Variants in SOX5 observed in about 807,000 individuals in gnomAD.
The protein encoded by SOX5 is transcription factor SOX-5.
SOX5 carries 9 observed loss-of-function variants against 92.0 expected under a neutral mutation model. The observed-to-expected ratio is 0.10, with a 90% CI of 0.06 to 0.17. The LOEUF is 0.17. Among genes scored for constraint, SOX5 ranks in the 10% least tolerant of loss-of-function variants. The probability of loss-of-function intolerance (pLI) is 1.00; values close to 1 mark genes in which losing one functional copy is unlikely to be tolerated. For synonymous variants in SOX5, 344 were observed against 336.3 expected (o/e 1.02, Z -0.25); for missense variants, 642 against 944.5 (o/e 0.68, Z 4.20).
intron 8 of SOX5, among the ~76,000 whole-genome samples, chr12:23,625,554 A>G (rs2077661628): frequency 6.6e-6 from 1 of 152,150 alleles, no homozygotes; most frequent in Admixed American, 6.6e-5. Flanking sequence ...CTCTTGACTC[A>G]TGTGCTCACA....
At chr12:24,359,703 AATACATATTTT>A (rs561305200) in intron 2 of SOX5, among the ~76,000 whole-genome samples, 35 of 152,322 alleles carry the variant, frequency 2.3e-4, no homozygotes, top group Admixed American at 2.6e-4. Flanking sequence ...AAATTTAATT[AATACATATTTT>A]ATCAAGGGAT....
At chr12:24,074,246 C>A (rs998974430) in intron 4 of SOX5, among the ~76,000 whole-genome samples, 5 of 152,234 alleles carry the variant, frequency 3.3e-5, no homozygotes, top group African/African-American at 1.2e-4. Context: ...ACTTCAGTAA[C>A]CTCCATGATT....
intron 9 of SOX5, among the ~76,000 whole-genome samples, chr12:23,597,167 T>C (rs1330812424): frequency 6.6e-6 from 1 of 152,242 alleles, no homozygotes. Context: ...CCATGCTGTG[T>C]GCATGAGACA....
At chr12:24,335,316 C>T (rs1793076208) in intron 2 of SOX5, among the ~76,000 whole-genome samples, 1 of 152,118 alleles carries the variant, frequency 6.6e-6, no homozygotes, top group South Asian at 2.1e-4. Context: ...CCATCCATTA[C>T]ACAATTAAAA....
intron 4 of SOX5, among the ~76,000 whole-genome samples, chr12:23,986,347 C>A (rs1463102688): frequency 4.6e-5 from 7 of 151,494 alleles, no homozygotes; most frequent in African/African-American, 1.5e-4. Context: ...TGCAGGGAAA[C>A]AAACAAACAA....
At chr12:24,229,606 G>T (rs1193717329) in intron 3 of SOX5, among the ~76,000 whole-genome samples, 1 of 152,172 alleles carries the variant, frequency 6.6e-6, no homozygotes, top group Admixed American at 6.5e-5. Context: ...ATTGAGCCAT[G>T]TCATTTATTA....
At chr12:23,674,354 T>TTTTTTTTTTTTTA (rs2085306599) in intron 6 of SOX5, among the ~76,000 whole-genome samples, 3 of 147,788 alleles carry the variant, frequency 2.0e-5, no homozygotes, top group South Asian at 2.2e-4. Flanking sequence ...TTTTTTTTTT[T>TTTTTTTTTTTTTA]GAGACGGAGT....
chr12:24,332,707 G>A (rs1250302800), intron 2 of SOX5, among the ~76,000 whole-genome samples: 1 of 152,118 alleles, frequency 6.6e-6, no homozygotes, highest in Non-Finnish European at 1.5e-5. Context: ...CAGTAACTGA[G>A]AGGATGTCGT....
At chr12:24,134,066 A>T (rs1565502759) in intron 4 of SOX5, among the ~76,000 whole-genome samples, 1 of 149,530 alleles carries the variant, frequency 6.7e-6, no homozygotes, top group Non-Finnish European at 1.5e-5. Flanking sequence ...TGATGAGGTA[A>T]TTTTTTTTTT....
At chr12:24,056,371 T>A (rs2137200152) in intron 4 of SOX5, among the ~76,000 whole-genome samples, 1 of 152,326 alleles carries the variant, frequency 6.6e-6, no homozygotes, top group South Asian at 2.1e-4. Flanking sequence ...TCAACTCTAT[T>A]TAATCCTGTA....
At chr12:24,101,814 T>A (rs60475662) in intron 4 of SOX5, among the ~76,000 whole-genome samples, 5,974 of 152,216 alleles carry the variant, frequency 0.039, 332 homozygotes, top group African/African-American at 0.12. Context: ...CTTAACATTA[T>A]TCTACAAGAA....
At chr12:24,163,140 T>C (rs1173223187) in intron 4 of SOX5, among the ~76,000 whole-genome samples, 2 of 152,160 alleles carry the variant, frequency 1.3e-5, no homozygotes, top group Admixed American at 6.5e-5. Flanking sequence ...AGGATAGTCC[T>C]GGAAGGCTTT....
chr12:23,953,596 A>G (rs757537732), upstream of SOX5, among the ~76,000 whole-genome samples: 1 of 152,040 alleles, frequency 6.6e-6, no homozygotes, highest in South Asian at 2.1e-4. Context: ...CTAATTATAT[A>G]TATGTATATA....
At chr12:23,737,022 G>A (rs932704333) in intron 5 of SOX5, among the ~76,000 whole-genome samples, 1 of 151,682 alleles carries the variant, frequency 6.6e-6, no homozygotes, top group Admixed American at 6.6e-5. Context: ...GAAGAAAGTG[G>A]TAAAAGAGAG....
intron 1 of SOX5, among the ~76,000 whole-genome samples, chr12:24,381,699 A>C (rs1957845816): frequency 6.6e-6 from 1 of 152,196 alleles, no homozygotes; most frequent in Non-Finnish European, 1.5e-5. Flanking sequence ...AAAAAGGTGG[A>C]TCATGTCTCT....
chr12:23,794,156 G>T (rs1477182985), intron 3 of SOX5, among the ~76,000 whole-genome samples: 1 of 152,028 alleles, frequency 6.6e-6, no homozygotes, highest in Non-Finnish European at 1.5e-5. Context: ...ACTCCTATAT[G>T]ATATGAAGAG....
intron 3 of SOX5, among the ~76,000 whole-genome samples, chr12:23,813,459 C>A (rs1452559011): frequency 6.6e-6 from 1 of 152,120 alleles, no homozygotes; most frequent in Non-Finnish European, 1.5e-5. Flanking sequence ...CATTCACCTG[C>A]ATACCAATCA....
At chr12:23,926,428 A>C (rs1434366746) in intron 1 of SOX5, among the ~76,000 whole-genome samples, 5 of 152,120 alleles carry the variant, frequency 3.3e-5, no homozygotes, top group Non-Finnish European at 7.4e-5. Context: ...TAAAGATACA[A>C]AATACTACTA....
intron 1 of SOX5, among the ~76,000 whole-genome samples, chr12:24,478,785 C>T (rs1158434227): frequency 6.6e-6 from 1 of 152,198 alleles, no homozygotes; most frequent in African/African-American, 2.4e-5. Flanking sequence ...TAGCTCAGGA[C>T]CTCACCAACT....
Sources: gnomAD v4.1 joint callset for allele counts (sites outside exome capture counted in the v4.1 genomes callset) on GRCh38, gnomAD v4.1.1 for gene constraint, MANE v1.5 for transcripts, NCBI Gene and HGNC (gene_info 2026-07-23, HGNC 2026-07-21) for gene names.